Variants in CHN1 observed in about 807,000 individuals in gnomAD.
The protein encoded by CHN1 is chimerin 1.
A neutral mutation model predicts 59.5 loss-of-function variants in CHN1; 37 were observed. That is an observed-to-expected ratio of 0.62 (90% CI 0.48 to 0.82). CHN1 has a LOEUF of 0.82. CHN1 is among the 40% of genes least tolerant of loss of function. The pLI, the probability that CHN1 is intolerant of heterozygous loss-of-function variation, is 0.00. For missense variants in CHN1, 469 were observed against 571.0 expected, an observed-to-expected ratio of 0.82 and a Z score of 1.82; for synonymous variants, 206 against 200.4, an observed-to-expected ratio of 1.03 and a Z score of -0.24.
chr2:174,937,031 GA>G (rs999337249), intron 3 of CHN1, among the ~76,000 whole-genome samples: 1 of 152,076 alleles, frequency 6.6e-6, no homozygotes, highest in African/African-American at 2.4e-5. Flanking sequence ...CTGGAATTAG[GA>G]AAAAAGCATT....
chr2:174,804,393 T>C (rs1028475800), intron 11 of CHN1, among the ~76,000 whole-genome samples: 1 of 152,162 alleles, frequency 6.6e-6, no homozygotes, highest in Non-Finnish European at 1.5e-5. Context: ...TTTAAGGATT[T>C]AGTGTTTACT....
At chr2:174,908,372 C>G (rs1217982460) in intron 5 of CHN1, among the ~76,000 whole-genome samples, 2 of 152,164 alleles carry the variant, frequency 1.3e-5, no homozygotes, top group Admixed American at 1.3e-4. Flanking sequence ...CATTCTAATT[C>G]CTCCAGCAAT....
chr2:174,824,586 C>A, intron 7 of CHN1, 68 bp from the exon 8 acceptor site: 2 of 871,656 alleles, frequency 2.3e-6, no homozygotes, highest in South Asian at 1.4e-5. Context: ...TGCTTCATAT[C>A]AAAGCACTAA....
chr2:174,824,124 AAAGGC>A (rs1446398962), intron 8 of CHN1, among the ~76,000 whole-genome samples: 2 of 152,234 alleles, frequency 1.3e-5, no homozygotes, highest in African/African-American at 4.8e-5. Context: ...CTGCAACATC[AAAGGC>A]AAGTATTAAA....
At chr2:174,854,147 C>T (rs767373221) in intron 6 of CHN1, among the ~76,000 whole-genome samples, 1 of 152,104 alleles carries the variant, frequency 6.6e-6, no homozygotes, top group Non-Finnish European at 1.5e-5. Context: ...TTGCATTTTA[C>T]AATAAAGTGT....
At chr2:174,949,116 C>T (rs1340280865) in intron 2 of CHN1, among the ~76,000 whole-genome samples, 2 of 152,026 alleles carry the variant, frequency 1.3e-5, no homozygotes, top group Non-Finnish European at 2.9e-5. Context: ...ATAAAGATTC[C>T]TAAGAGATGA....
chr2:174,912,801 T>C (rs1302163161), intron 5 of CHN1, among the ~76,000 whole-genome samples: 1 of 152,230 alleles, frequency 6.6e-6, no homozygotes, highest in Non-Finnish European at 1.5e-5. Context: ...ACTCAATGTA[T>C]ATTGTGAGTA....
intron 1 of CHN1, among the ~76,000 whole-genome samples, chr2:174,980,136 A>C (rs1042354474): frequency 1.3e-5 from 2 of 152,134 alleles, no homozygotes; most frequent in African/African-American, 4.8e-5. Context: ...TGAACAATAA[A>C]AGCTAATGCT....
At chr2:174,810,049 T>C (rs1019130025) in intron 10 of CHN1, among the ~76,000 whole-genome samples, 1 of 152,234 alleles carries the variant, frequency 6.6e-6, no homozygotes, top group African/African-American at 2.4e-5. Flanking sequence ...CAGCATCCTA[T>C]GGATATTGTC....
At chr2:175,001,727 C>T (rs1302825795) in intron 1 of CHN1, among the ~76,000 whole-genome samples, 1 of 152,176 alleles carries the variant, frequency 6.6e-6, no homozygotes, top group Non-Finnish European at 1.5e-5. Flanking sequence ...ATCAGTTGGT[C>T]TGGGCTATAA....
intron 5 of CHN1, among the ~76,000 whole-genome samples, chr2:174,887,696 C>T (rs958293644): frequency 1.5e-4 from 23 of 152,138 alleles, no homozygotes; most frequent in Non-Finnish European, 8.8e-5. Context: ...CATAATTAGG[C>T]TATGTATCTT....
At chr2:174,975,203 T>C (rs1690883067) in intron 1 of CHN1, among the ~76,000 whole-genome samples, 1 of 152,198 alleles carries the variant, frequency 6.6e-6, no homozygotes, top group Non-Finnish European at 1.5e-5. Context: ...ATAGTATAAA[T>C]GCAAGTACTT....
chr2:174,962,415 C>T (rs1690441492), intron 1 of CHN1, among the ~76,000 whole-genome samples: 1 of 152,076 alleles, frequency 6.6e-6, no homozygotes, highest in South Asian at 2.1e-4. Context: ...TTATCCAGGG[C>T]TAATACTCCG....
intron 1 of CHN1, among the ~76,000 whole-genome samples, chr2:174,992,978 G>A (rs1691589854): frequency 6.6e-6 from 1 of 152,002 alleles, no homozygotes; most frequent in African/African-American, 2.4e-5. Context: ...TTGTAAAGAT[G>A]AGAGTCTCAC....
At chr2:174,846,132 T>G (rs1686503050) in intron 7 of CHN1, among the ~76,000 whole-genome samples, 2 of 152,188 alleles carry the variant, frequency 1.3e-5, no homozygotes, top group Non-Finnish European at 2.9e-5. Context: ...ATGCACCACC[T>G]CACGTTGTTT....
chr2:174,942,027 G>T (rs1689682422), intron 3 of CHN1, among the ~76,000 whole-genome samples: 1 of 152,174 alleles, frequency 6.6e-6, no homozygotes, highest in Non-Finnish European at 1.5e-5. Flanking sequence ...TGGCAAAGAT[G>T]CAGAGAAAAG....
chr2:174,900,577 G>A (rs778835887), intron 5 of CHN1, among the ~76,000 whole-genome samples: 21 of 152,284 alleles, frequency 1.4e-4, no homozygotes, highest in Admixed American at 3.3e-4. Context: ...AGGCCAAGGC[G>A]GGTGGATCAC....
At chr2:174,944,658 C>T (rs571273068) in intron 3 of CHN1, among the ~76,000 whole-genome samples, 1 of 152,226 alleles carries the variant, frequency 6.6e-6, no homozygotes, top group African/African-American at 2.4e-5. Flanking sequence ...ACGAACAACC[C>T]TTAAAACTAT....
At chr2:174,943,456 AC>A (rs1338317545) in intron 3 of CHN1, among the ~76,000 whole-genome samples, 1 of 151,222 alleles carries the variant, frequency 6.6e-6, no homozygotes, top group Non-Finnish European at 1.5e-5. Context: ...CAAACTCTTG[AC>A]CTCGTGATCT....
Sources: allele counts gnomAD v4.1 joint callset (sites outside exome capture counted in the v4.1 genomes callset), GRCh38; gene constraint gnomAD v4.1.1; transcripts MANE v1.5; gene names NCBI Gene and HGNC (gene_info 2026-07-23, HGNC 2026-07-21).